The following PPARGC1A variants were observed in gnomAD, a reference collection of about 807,000 sequenced individuals.
PPARGC1A encodes the protein PPARG coactivator 1 alpha.
Under a neutral mutation model 88.7 loss-of-function variants are expected in PPARGC1A, and 25 were observed. The ratio of observed to expected loss-of-function variants is 0.28; its 90% CI spans 0.21 to 0.39. The LOEUF (loss-of-function observed/expected upper bound fraction) is 0.39, where lower values mean the gene tolerates loss of function less well. PPARGC1A is among the 10% of genes least tolerant of loss of function. PPARGC1A has a pLI of 1.00. For missense variants in PPARGC1A, 880 were observed against 968.7 expected (o/e 0.91, Z 1.22); for synonymous variants, 363 against 355.6 (o/e 1.02, Z -0.24).
the PPARGC1A span, among the ~76,000 whole-genome samples, chr4:24,388,767 A>G: frequency 8.5e-5 from 13 of 152,198 alleles, no homozygotes; most frequent in East Asian, 2.5e-3. Flanking sequence ...GGAGTTGAAC[A>G]ATGAGAACAC....
At chr4:24,317,555 T>TAAAAAAAA in the PPARGC1A span, among the ~76,000 whole-genome samples, 182 of 22,218 alleles carry the variant, frequency 8.2e-3, 63 homozygotes, top group Non-Finnish European at 0.015. Context: ...TTCAGAGGAC[T>TAAAAAAAA]AAAAAAAAAA....
At chr4:24,083,398 C>T in the PPARGC1A span, among the ~76,000 whole-genome samples, 1 of 152,160 alleles carries the variant, frequency 6.6e-6, no homozygotes, top group African/African-American at 2.4e-5. Context: ...AAGGACCTCT[C>T]CCCAGTGCCT....
chr4:23,910,283 ATAT>A, the PPARGC1A span, among the ~76,000 whole-genome samples: 6 of 84,490 alleles, frequency 7.1e-5, no homozygotes, highest in Non-Finnish European at 9.5e-5. Context: ...TTAACCCTAT[ATAT>A]TATTATATAT....
At chr4:24,466,972 G>GAGAA in the PPARGC1A span, among the ~76,000 whole-genome samples, 9 of 85,962 alleles carry the variant, frequency 1.0e-4, 1 homozygote, top group South Asian at 2.4e-3. Context: ...AAGAAAGAAA[G>GAGAA]AGAAAGAAAG....
At chr4:24,299,977 C>A in the PPARGC1A span, among the ~76,000 whole-genome samples, 1 of 152,142 alleles carries the variant, frequency 6.6e-6, no homozygotes, top group African/African-American at 2.4e-5. Flanking sequence ...TTGTGATGTG[C>A]AAATTAAACA....
chr4:23,979,831 T>C, the PPARGC1A span, among the ~76,000 whole-genome samples: 4 of 152,180 alleles, frequency 2.6e-5, no homozygotes, highest in South Asian at 8.3e-4. Flanking sequence ...GCAATGTCTT[T>C]AGTGCTATTG....
the PPARGC1A span, among the ~76,000 whole-genome samples, chr4:24,226,265 C>T: frequency 6.6e-6 from 1 of 152,130 alleles, no homozygotes; most frequent in Non-Finnish European, 1.5e-5. Flanking sequence ...GAAATCTGTT[C>T]ACAGCTCAGA....
At chr4:24,124,628 A>G in the PPARGC1A span, among the ~76,000 whole-genome samples, 13 of 152,180 alleles carry the variant, frequency 8.5e-5, no homozygotes, top group South Asian at 2.3e-3. Flanking sequence ...GGACAGGTAC[A>G]GTCTTCAAAT....
chr4:24,138,316 T>C, the PPARGC1A span, among the ~76,000 whole-genome samples: 6 of 152,152 alleles, frequency 3.9e-5, no homozygotes, highest in African/African-American at 1.4e-4. Context: ...TCTAGTTAAG[T>C]CAGGTCTCTC....
chr4:24,014,873 A>G, the PPARGC1A span, among the ~76,000 whole-genome samples: 7 of 152,196 alleles, frequency 4.6e-5, no homozygotes, highest in Non-Finnish European at 1.0e-4. Flanking sequence ...CTTTTGCTTT[A>G]TCATGTAACC....
chr4:23,818,959 C>T (rs1356975053), intron 7 of PPARGC1A, among the ~76,000 whole-genome samples: 1 of 143,110 alleles, frequency 7.0e-6, no homozygotes, highest in African/African-American at 2.6e-5. Context: ...TGTTGCATGC[C>T]AATTCAGGTA....
upstream of PPARGC1A, among the ~76,000 whole-genome samples, chr4:23,901,963 C>A (rs185890884): frequency 6.6e-6 from 1 of 152,014 alleles, no homozygotes; most frequent in African/African-American, 2.4e-5. Context: ...TGCCAGCCAA[C>A]GCAGTCGCCA....
At chr4:24,102,774 G>T in the PPARGC1A span, among the ~76,000 whole-genome samples, 3 of 152,128 alleles carry the variant, frequency 2.0e-5, no homozygotes, top group African/African-American at 7.2e-5. Context: ...GGAACGGCAG[G>T]GAGGCAAAGA....
chr4:24,411,942 T>C, the PPARGC1A span, among the ~76,000 whole-genome samples: 1 of 152,246 alleles, frequency 6.6e-6, no homozygotes, highest in Non-Finnish European at 1.5e-5. Context: ...GCTTCCAAGT[T>C]TTGACAATAG....
chr4:23,895,970 GTGTGTGTGTGTATA>G (rs754736329), intron 1 of PPARGC1A, among the ~76,000 whole-genome samples: 641 of 48,854 alleles, frequency 0.013, 8 homozygotes, highest in African/African-American at 0.02. Flanking sequence ...GTGTGTGTGT[GTGTGTGTGTGTATA>G]TATATATACA....
chr4:24,353,912 C>A, the PPARGC1A span, among the ~76,000 whole-genome samples: 1 of 152,186 alleles, frequency 6.6e-6, no homozygotes, highest in Non-Finnish European at 1.5e-5. Flanking sequence ...AGGGAAACTG[C>A]AATGCATTGG....
chr4:24,276,964 T>C, the PPARGC1A span, among the ~76,000 whole-genome samples: 33 of 152,304 alleles, frequency 2.2e-4, no homozygotes, highest in African/African-American at 7.7e-4. Context: ...GTAGCTCTTC[T>C]GAGTACAGAC....
At chr4:24,328,441 C>G in the PPARGC1A span, among the ~76,000 whole-genome samples, 1 of 152,018 alleles carries the variant, frequency 6.6e-6, no homozygotes, top group Non-Finnish European at 1.5e-5. Flanking sequence ...AATGTCAGTT[C>G]CCATTAACAA....
the PPARGC1A span, among the ~76,000 whole-genome samples, chr4:24,038,842 G>C: frequency 1.3e-5 from 2 of 152,260 alleles, no homozygotes; most frequent in East Asian, 3.9e-4. Context: ...AATCCAAATA[G>C]AGCAAGTGAT....
Sources: allele counts gnomAD v4.1 joint callset (sites outside exome capture counted in the v4.1 genomes callset), GRCh38; gene constraint gnomAD v4.1.1; transcripts MANE v1.5; gene names NCBI Gene and HGNC (gene_info 2026-07-23, HGNC 2026-07-21).